The following PTPRN2 variants were observed in gnomAD, a reference collection of about 807,000 sequenced individuals.
The protein encoded by PTPRN2 is receptor-type tyrosine-protein phosphatase N2.
PTPRN2 carries 74 observed loss-of-function variants against 118.8 expected under a neutral mutation model. The observed-to-expected ratio is 0.62, with a 90% CI of 0.52 to 0.76. The LOEUF (loss-of-function observed/expected upper bound fraction) is 0.76, where lower values mean the gene tolerates loss of function less well. PTPRN2 is among the 30% of genes least tolerant of loss of function. The pLI is 0.00. For missense variants in PTPRN2, 1,481 were observed against 1,394.4 expected, an observed-to-expected ratio of 1.06 and a Z score of -0.99; for synonymous variants, 641 against 608.0, an observed-to-expected ratio of 1.05 and a Z score of -0.80.
At chr7:158,202,302 A>G (rs577569657) in intron 4 of PTPRN2, among the ~76,000 whole-genome samples, 16 of 152,282 alleles carry the variant, frequency 1.1e-4, no homozygotes, top group Admixed American at 3.9e-4. Context: ...GATGGGCCAC[A>G]CTGTTTCTTA....
chr7:158,098,447 C>T (rs1417961557), intron 10 of PTPRN2, among the ~76,000 whole-genome samples: 1 of 152,216 alleles, frequency 6.6e-6, no homozygotes, highest in East Asian at 1.9e-4. Context: ...TGACGCTTAC[C>T]CAGGACTGAG....
intron 1 of PTPRN2, among the ~76,000 whole-genome samples, chr7:158,527,631 C>T (rs1824888559): frequency 6.6e-6 from 1 of 152,238 alleles, no homozygotes; most frequent in Non-Finnish European, 1.5e-5. Context: ...GCCCACTGCT[C>T]AGCCATGTGG....
intron 2 of PTPRN2, among the ~76,000 whole-genome samples, chr7:158,375,951 A>G (rs548819034): frequency 6.6e-6 from 1 of 152,218 alleles, no homozygotes; most frequent in South Asian, 2.1e-4. Context: ...CCATCCTTCA[A>G]TTTGTCCCTG....
intron 12 of PTPRN2, among the ~76,000 whole-genome samples, chr7:157,860,122 G>A (rs1810118015): frequency 6.6e-6 from 1 of 152,256 alleles, no homozygotes; most frequent in Non-Finnish European, 1.5e-5. Context: ...GGGACAGCCT[G>A]CTATGGAGCA....
rs112547878 is a variant in PTPRN2, at chr7:158,273,861, A to G, written c.277+42958T>C. Among the ~76,000 whole-genome samples the G allele has an allele frequency of 4.7e-3, 529 of 111,636 alleles. 2 individuals carry two copies. Among genetic ancestry groups the G allele is most frequent in the African/African-American group, 0.018 (482 of 26,438 alleles). 73.2% of individuals were successfully genotyped at this position (111,636 alleles called of 152,430 possible). On this transcript the variant is annotated intron_variant, in intron 3 of 22. Coordinates refer to ENST00000389418, the MANE Select transcript of PTPRN2 (RefSeq NM_002847.5). ...ACACAGGGGGAGCCGCAGACACAGG[A>G]GGAGACACACGAGGAGCCGCAGACG...
intron 2 of PTPRN2, among the ~76,000 whole-genome samples, chr7:158,345,397 G>A (rs1338582002): frequency 6.6e-6 from 1 of 152,244 alleles, no homozygotes; most frequent in South Asian, 2.1e-4. Context: ...GGAGGCCACA[G>A]AGGGTTTTAT....
chr7:158,246,639 G>A (rs1796268138), intron 3 of PTPRN2, among the ~76,000 whole-genome samples: 1 of 151,842 alleles, frequency 6.6e-6, no homozygotes, highest in African/African-American at 2.4e-5. Context: ...AAAGACTTAT[G>A]CAGAAAGTGA....
Position 157,990,810 on chromosome 7 carries a change from G to A in PTPRN2, c.1723+90488C>T, listed in dbSNP as rs1301890370. ...TGGGAGGGAGGACTTGGCGCACAGT[G>A]GGTGAGTGAATGGACAGGCAGGAGT... On this transcript the variant is annotated intron_variant, in intron 11 of 22. Coordinates refer to ENST00000389418, the MANE Select transcript of PTPRN2 (RefSeq NM_002847.5). This position sits in a 1 kb window ranked among gnomAD's most constrained non-coding sequence, Gnocchi z 4.3. 6.6e-6 allele frequency among the ~76,000 whole-genome samples: 1 copy of A among 152,128 alleles called. No individual in the cohort carries two copies. Among genetic ancestry groups the A allele is most frequent in the Non-Finnish European group, 1.5e-5 (1 of 68,012 alleles).
intron 12 of PTPRN2, among the ~76,000 whole-genome samples, chr7:157,888,293 C>G (rs944675717): frequency 6.6e-6 from 1 of 152,128 alleles, no homozygotes. Flanking sequence ...GCAAGCTCAG[C>G]TCAGTCACCT....
rs187561518 is a variant in PTPRN2 at position 158,159,865 on chromosome 7, G to A, written c.910+7066C>T. ...AGCGTATAAATATTACATGCTCATG[G>A]CTAGCAGGACATGGGTTTGGATCAT... On this transcript the variant is annotated intron_variant, in intron 6 of 22. Transcript: ENST00000389418. 5.9e-4 allele frequency among the ~76,000 whole-genome samples: 90 copies of A among 152,308 alleles called. 1 individual carries two copies. The highest frequency in any genetic ancestry group is 6.8e-3 in the Middle Eastern group (2 of 294).
chr7:157,791,916 G>T (rs1340923655), intron 12 of PTPRN2, among the ~76,000 whole-genome samples: 3 of 152,226 alleles, frequency 2.0e-5, no homozygotes, highest in Non-Finnish European at 4.4e-5. Context: ...CCAAAATCCT[G>T]AAGATATGTA....
chr7:158,247,127 C>A (rs1242934499), intron 3 of PTPRN2, among the ~76,000 whole-genome samples: 1 of 152,190 alleles, frequency 6.6e-6, no homozygotes, highest in Non-Finnish European at 1.5e-5. Context: ...GGCTTCCCGG[C>A]TGCCCATCCC....
chr7:158,229,770 A>G (rs55821220), intron 3 of PTPRN2, among the ~76,000 whole-genome samples: 24,984 of 151,962 alleles, frequency 0.16, 2,428 homozygotes, highest in Non-Finnish European at 0.22. Flanking sequence ...ATCAAATATA[A>G]GAATGATTGA....
rs1416371650 is a variant in PTPRN2 at position 158,171,304 on chromosome 7, CACACATAT to C, written c.550-4021_550-4014del. Among the ~76,000 whole-genome samples the C allele has an allele frequency of 9.0e-3, 253 of 28,046 alleles. 13 individuals carry two copies. The highest frequency in any genetic ancestry group is 0.013 in the Non-Finnish European group (208 of 15,832). 18.4% of individuals were successfully genotyped at this position (28,046 alleles called of 152,430 possible). A position where few individuals can be genotyped will look rare whatever the true frequency, so the allele number is the denominator to read the frequency against. On this transcript the variant is annotated intron_variant, in intron 5 of 22. Coordinates refer to ENST00000389418, the MANE Select transcript of PTPRN2 (RefSeq NM_002847.5). ...ACATATATATACACACATATATATA[CACACATAT>C]ATATATATATATATATATATATATA...
rs142833349 is a variant in PTPRN2 at position 157,615,099 on chromosome 7, C to G, written c.2344+6263G>C. Among the ~76,000 whole-genome samples, 1 of 152,352 alleles carries G rather than the reference C, an allele frequency of 6.6e-6. No homozygotes were observed. Among genetic ancestry groups the G allele is most frequent in the African/African-American group, 2.4e-5 (1 of 41,582 alleles). On this transcript the variant is annotated intron_variant, in intron 15 of 22. Transcript: ENST00000389418. The surrounding 1 kb of genome is among the most constrained non-coding windows in gnomAD (Gnocchi z 4.3). ...TGATACTTACTTGAAGTCGTCCAGC[C>G]AGAAAATAAATGAAGTGCTCGCAGG...
Position 157,763,561 on chromosome 7 carries a change from A to T in PTPRN2, c.1789-80624T>A, listed in dbSNP as rs969561718. ...CACTGAGCCTCCACCTCCTTTTCAG[A>T]GTTGGGAGCAGCTGCCCCCCTGGCC... On this transcript the variant is annotated intron_variant, in intron 12 of 22. Coordinates refer to ENST00000389418, the MANE Select transcript of PTPRN2 (RefSeq NM_002847.5). This position sits in a 1 kb window ranked among gnomAD's most constrained non-coding sequence, Gnocchi z 4.9. 1.3e-5 allele frequency among the ~76,000 whole-genome samples: 2 copies of T among 151,986 alleles called. No homozygotes were observed. Among genetic ancestry groups the T allele is most frequent in the Admixed American group, 6.6e-5 (1 of 15,260 alleles).
intron 12 of PTPRN2, among the ~76,000 whole-genome samples, chr7:157,829,357 T>C (rs1807396774): frequency 6.6e-6 from 1 of 152,070 alleles, no homozygotes; most frequent in Admixed American, 6.5e-5. Context: ...TAAGTAGAAG[T>C]CCTTAAAAAA....
chr7:158,319,568 C>A (rs1802701913), intron 2 of PTPRN2, among the ~76,000 whole-genome samples: 2 of 147,064 alleles, frequency 1.4e-5, no homozygotes, highest in Admixed American at 6.8e-5. Context: ...GTCTCCCTCA[C>A]ACACGCACAC....
chr7:157,726,002 A>T (rs1799570796), intron 12 of PTPRN2, among the ~76,000 whole-genome samples: 1 of 144,300 alleles, frequency 6.9e-6, no homozygotes, highest in African/African-American at 2.6e-5. Flanking sequence ...GCCTCCCAGG[A>T]GAACTGGATA....
Sources: allele counts gnomAD v4.1 joint callset (sites outside exome capture counted in the v4.1 genomes callset), GRCh38; gene constraint gnomAD v4.1.1; non-coding constraint Gnocchi (gnomAD v3.1); transcripts MANE v1.5; gene names NCBI Gene and HGNC (gene_info 2026-07-23, HGNC 2026-07-21).